SEMA3D: variants seen among roughly 807,000 people sequenced by gnomAD.
SEMA3D encodes semaphorin-3D.
In SEMA3D, 84 loss-of-function variants were observed where a neutral mutation model predicts 100.1. The ratio of observed to expected loss-of-function variants is 0.84; its 90% CI spans 0.70 to 1.01. The LOEUF (loss-of-function observed/expected upper bound fraction) is 1.01. SEMA3D is among the 50% of genes least tolerant of loss of function. The probability of loss-of-function intolerance (pLI) is 0.00; values close to 1 mark genes in which losing one functional copy is unlikely to be tolerated. For synonymous variants in SEMA3D, 312 were observed against 320.7 expected, an observed-to-expected ratio of 0.97 and a Z score of 0.29; for missense variants, 875 against 934.1, an observed-to-expected ratio of 0.94 and a Z score of 0.82.
At chr7:85,075,934 CAA>C (rs771949718) in intron 5 of SEMA3D, among the ~76,000 whole-genome samples, 14 of 152,258 alleles carry the variant, frequency 9.2e-5, no homozygotes, top group Non-Finnish European at 1.6e-4. Flanking sequence ...TTCTTACACA[CAA>C]AGTTTCAAAG....
chr7:85,173,151 A>C (rs1048827740), intron 1 of SEMA3D, among the ~76,000 whole-genome samples: 1 of 152,074 alleles, frequency 6.6e-6, no homozygotes, highest in Non-Finnish European at 1.5e-5. Flanking sequence ...AGACAGAGAG[A>C]GAAAAGGGAG....
chr7:85,229,491 T>C, the SEMA3D span, among the ~76,000 whole-genome samples: 1 of 152,080 alleles, frequency 6.6e-6, no homozygotes, highest in African/African-American at 2.4e-5. Context: ...AAAATGGTCA[T>C]GGCTCTAGTA....
chr7:85,195,857 A>C, the SEMA3D span, among the ~76,000 whole-genome samples: 2 of 152,206 alleles, frequency 1.3e-5, no homozygotes, highest in South Asian at 2.1e-4. Context: ...AAAAAAGTCT[A>C]TTCAGAAATC....
intron 1 of SEMA3D, among the ~76,000 whole-genome samples, chr7:85,176,809 G>A (rs1312907755): frequency 1.3e-5 from 2 of 151,176 alleles, no homozygotes; most frequent in Admixed American, 6.7e-5. Flanking sequence ...GAGAGAGAGA[G>A]AGAGAGAATT....
the SEMA3D span, among the ~76,000 whole-genome samples, chr7:85,249,980 C>A: frequency 3.3e-5 from 5 of 152,042 alleles, no homozygotes; most frequent in Non-Finnish European, 7.4e-5. Context: ...CTAGGAAGTG[C>A]CAGAGAGTGG....
the SEMA3D span, among the ~76,000 whole-genome samples, chr7:85,211,038 T>C: frequency 7.2e-5 from 11 of 152,050 alleles, no homozygotes; most frequent in African/African-American, 2.4e-4. Context: ...ACAGATCTAC[T>C]GTCAAATTAA....
the SEMA3D span, among the ~76,000 whole-genome samples, chr7:85,216,204 G>A: frequency 6.6e-6 from 1 of 151,954 alleles, no homozygotes; most frequent in Non-Finnish European, 1.5e-5. Flanking sequence ...TTTTTATTGA[G>A]GATACAGGTT....
chr7:85,140,109 T>C (rs1790001552), intron 2 of SEMA3D: 6 of 364,410 alleles, frequency 1.6e-5, no homozygotes, highest in South Asian at 1.1e-4. Context: ...AGACTACTAT[T>C]ATCATATAAT....
intron 2 of SEMA3D, among the ~76,000 whole-genome samples, chr7:85,136,605 GT>G (rs1789874249): frequency 6.6e-6 from 1 of 151,904 alleles, no homozygotes; most frequent in Non-Finnish European, 1.5e-5. Context: ...TCTACAATAT[GT>G]TTTTATTTAA....
intron 3 of SEMA3D, among the ~76,000 whole-genome samples, chr7:85,106,106 A>G (rs559958142): frequency 1.1e-4 from 17 of 152,204 alleles, no homozygotes; most frequent in African/African-American, 3.6e-4. Context: ...TAAAAAAGTT[A>G]GTATTATAAA....
chr7:85,179,160 G>A (rs776626754), intron 1 of SEMA3D, among the ~76,000 whole-genome samples: 5 of 152,166 alleles, frequency 3.3e-5, no homozygotes, highest in Admixed American at 2.0e-4. Flanking sequence ...TGTGGGGTGA[G>A]AGCCCTCACA....
At chr7:85,217,221 G>C in the SEMA3D span, among the ~76,000 whole-genome samples, 1 of 151,914 alleles carries the variant, frequency 6.6e-6, no homozygotes, top group Non-Finnish European at 1.5e-5. Context: ...CAAACCTTAG[G>C]CCAAACTTGT....
the SEMA3D span, among the ~76,000 whole-genome samples, chr7:85,211,052 C>T: frequency 6.6e-6 from 1 of 151,962 alleles, no homozygotes; most frequent in Non-Finnish European, 1.5e-5. Context: ...AAATTAACTA[C>T]AAAATAAATG....
At chr7:85,130,370 A>G (rs1789693340) in intron 2 of SEMA3D, among the ~76,000 whole-genome samples, 1 of 152,182 alleles carries the variant, frequency 6.6e-6, no homozygotes, top group Non-Finnish European at 1.5e-5. Flanking sequence ...TATATTTCTA[A>G]TGATAATGAC....
At chr7:85,192,230 A>T in the SEMA3D span, among the ~76,000 whole-genome samples, 2 of 152,068 alleles carry the variant, frequency 1.3e-5, no homozygotes, top group African/African-American at 4.8e-5. Context: ...TTAGTGGGGA[A>T]CAGTTTCTGA....
At chr7:85,239,914 A>G in the SEMA3D span, among the ~76,000 whole-genome samples, 1 of 152,052 alleles carries the variant, frequency 6.6e-6, no homozygotes, top group Admixed American at 6.6e-5. Flanking sequence ...TCCAGAAGTT[A>G]TTTTCTGGAT....
chr7:85,029,619 C>T, intron 12 of SEMA3D: 2 of 447,860 alleles, frequency 4.5e-6, no homozygotes, highest in South Asian at 2.0e-5. Flanking sequence ...AGGAGGAATG[C>T]CAGGGGGATT....
the SEMA3D span, among the ~76,000 whole-genome samples, chr7:85,249,772 C>T: frequency 2.0e-5 from 3 of 152,128 alleles, no homozygotes; most frequent in African/African-American, 7.2e-5. Flanking sequence ...TTCAGAACTC[C>T]ATTTTCTCCC....
intron 11 of SEMA3D, among the ~76,000 whole-genome samples, chr7:85,040,225 C>G (rs2115979547): frequency 6.6e-6 from 1 of 152,014 alleles, no homozygotes; most frequent in East Asian, 1.9e-4. Context: ...AGCCATCCTC[C>G]CCTTGGACTC....
Sources: allele counts gnomAD v4.1 joint callset (sites outside exome capture counted in the v4.1 genomes callset), GRCh38; gene constraint gnomAD v4.1.1; transcripts MANE v1.5; gene names NCBI Gene and HGNC (gene_info 2026-07-23, HGNC 2026-07-21).